PGBD5: variants seen among roughly 807,000 people sequenced by gnomAD.
PGBD5 encodes piggyBac transposable element derived 5.
A neutral mutation model predicts 47.9 loss-of-function variants in PGBD5; 14 were observed. That is an observed-to-expected ratio of 0.29 (90% CI 0.19 to 0.46). PGBD5 has a LOEUF of 0.46. Among genes scored for constraint, PGBD5 ranks in the 20% least tolerant of loss-of-function variants. PGBD5 has a pLI of 1.00. For missense variants in PGBD5, 635 were observed against 716.0 expected, an observed-to-expected ratio of 0.89 and a Z score of 1.29; for synonymous variants, 316 against 306.3, an observed-to-expected ratio of 1.03 and a Z score of -0.33.
intron 1 of PGBD5, among the ~76,000 whole-genome samples, chr1:230,383,367 A>ATT (rs113475166): frequency 6.7e-6 from 1 of 148,832 alleles, no homozygotes; most frequent in South Asian, 2.1e-4. Flanking sequence ...CATGCCCAGC[A>ATT]TTTTTTTTTT....
chr1:230,409,828 A>G (rs186771444), intron 1 of PGBD5, among the ~76,000 whole-genome samples: 1 of 152,206 alleles, frequency 6.6e-6, no homozygotes, highest in Non-Finnish European at 1.5e-5. Flanking sequence ...AAGAACTTCC[A>G]TATTATCAAG....
intron 1 of PGBD5, among the ~76,000 whole-genome samples, chr1:230,384,909 T>G (rs995280412): frequency 1.3e-5 from 2 of 152,246 alleles, no homozygotes; most frequent in Non-Finnish European, 2.9e-5. Context: ...ACTTCTTAGC[T>G]GCTGTGTTCA....
intron 2 of PGBD5, among the ~76,000 whole-genome samples, chr1:230,352,879 A>T (rs1387183023): frequency 1.3e-5 from 2 of 152,140 alleles, no homozygotes; most frequent in Non-Finnish European, 1.5e-5. Context: ...CTGCCCAATG[A>T]TCCTTGCCGA....
In PGBD5 at chr1:230,315,998, GTA is replaced by G. The variant is rs751700411; in HGVS notation, c.*7425_*7426del. 14 of 134,406 alleles carry G rather than the reference GTA, an allele frequency of 1.0e-4. 2 individuals are homozygous for G. Among genetic ancestry groups the G allele is most frequent in the African/African-American group, 3.5e-4 (12 of 34,266 alleles). The allele number at this position is 134,406 out of a possible 1,614,324, so 8.3% of individuals were successfully genotyped here. On this transcript the variant is annotated 3_prime_UTR_variant, in exon 7 of 7. Transcript: ENST00000391860. Reference sequence around the variant, plus strand: ...TATATGTATGTGTATACATACATAAGTATATGTGTACACATATATGTATGTGT... The same window carrying G: ...TATATGTATGTGTATACATACATAAGTATGTGTACACATATATGTATGTGT...
In PGBD5 at chr1:230,323,880, G is replaced by A. The variant is rs1667075330; in HGVS notation, c.1380-260C>T. On this transcript the variant is annotated intron_variant, in intron 6 of 6. Transcript: ENST00000391860. This position sits in a 1 kb window ranked among gnomAD's most constrained non-coding sequence, Gnocchi z 4.1. ...AGTAGACCCTGAAAGCCAGGTGCCA[G>A]GTGTGCTGGGGTGGCGCACAGCCCC... Among the ~76,000 whole-genome samples the A allele has an allele frequency of 6.6e-6, 1 of 152,248 alleles. No homozygotes were observed. Among genetic ancestry groups the A allele is most frequent in the Admixed American group, 6.5e-5 (1 of 15,292 alleles).
At chr1:230,422,825 C>A (rs115905183) in intron 1 of PGBD5, among the ~76,000 whole-genome samples, 2 of 152,052 alleles carry the variant, frequency 1.3e-5, no homozygotes, top group Non-Finnish European at 2.9e-5. Context: ...GCTTTTAGGG[C>A]TGGCACGGGA....
chr1:230,365,680 T>A (rs1341189713), intron 1 of PGBD5, among the ~76,000 whole-genome samples: 1 of 152,206 alleles, frequency 6.6e-6, no homozygotes, highest in Non-Finnish European at 1.5e-5. Context: ...AAATAAAGGC[T>A]GGCTGAGTCT....
At position 230,350,809 on chromosome 1, in the gene PGBD5, T is replaced by C. The variant is rs1017283623; in HGVS notation, c.894+149A>G. ...CGGTGAGGAGGGAGCAGCCCAGCCC[T>C]GGCCTCCGCAGGAGCATCTGGGTGG... On this transcript the variant is annotated intron_variant, in intron 3 of 6. Transcript: ENST00000391860. 7.7e-6 allele frequency: 9 copies of C among 1,171,088 alleles called. No individual in the cohort carries two copies. In the African/African-American group the frequency reaches 9.4e-5, roughly 12 times the overall value. 72.5% of individuals were successfully genotyped at this position (1,171,088 alleles called of 1,614,324 possible). A position where few individuals can be genotyped will look rare whatever the true frequency, so the allele number is the denominator to read the frequency against.
At chr1:230,335,094 C>T (rs1420266152) in intron 4 of PGBD5, among the ~76,000 whole-genome samples, 1 of 140,718 alleles carries the variant, frequency 7.1e-6, no homozygotes, top group Non-Finnish European at 1.6e-5. Context: ...CACAGGTACA[C>T]ACACAGACAC....
Position 230,319,707 on chromosome 1 carries a change from A to G in PGBD5, c.*3718T>C, listed in dbSNP as rs1667006619. ...AACTCAATTTTGGTGACCAAGCCTCATCTGATTTAGTCAGTACTGGATGTG... is the reference window on the plus strand; with the variant it reads ...AACTCAATTTTGGTGACCAAGCCTCGTCTGATTTAGTCAGTACTGGATGTG... On this transcript the variant is annotated 3_prime_UTR_variant, in exon 7 of 7. Transcript: ENST00000391860. The G allele has an allele frequency of 6.6e-6, 1 of 152,214 alleles. No individual in the cohort carries two copies. The highest frequency in any genetic ancestry group is 1.9e-4 in the East Asian group (1 of 5,188). The allele number at this position is 152,214 out of a possible 1,614,324, so 9.4% of individuals were successfully genotyped here.
intron 1 of PGBD5, among the ~76,000 whole-genome samples, chr1:230,359,922 G>A (rs190506257): frequency 2.9e-3 from 447 of 152,316 alleles, no homozygotes; most frequent in Non-Finnish European, 5.0e-3. Context: ...GGAGGAAGAG[G>A]CCCTGGCTGG....
chr1:230,384,701 T>C (rs1243888499), intron 1 of PGBD5, among the ~76,000 whole-genome samples: 1 of 152,234 alleles, frequency 6.6e-6, no homozygotes, highest in Non-Finnish European at 1.5e-5. Context: ...TGTGTTTGAC[T>C]CTCACGACAC....
chr1:230,316,214 A>G lies in PGBD5; in HGVS notation c.*7211T>C, dbSNP rs969625258. 2.6e-5 allele frequency: 4 copies of G among 151,432 alleles called. No homozygotes were observed. The highest frequency in any genetic ancestry group is 7.4e-5 in the African/African-American group (3 of 40,352). 9.4% of individuals were successfully genotyped at this position (151,432 alleles called of 1,614,324 possible). ...CATGTGTATACATACATATGTACAC[A>G]TGTGTATATGTGTATACGTACATAT... On this transcript the variant is annotated 3_prime_UTR_variant, in exon 7 of 7. Transcript: ENST00000391860.
At chr1:230,324,341 A>G (rs1481295789) in intron 6 of PGBD5, among the ~76,000 whole-genome samples, 1 of 152,248 alleles carries the variant, frequency 6.6e-6, no homozygotes, top group Non-Finnish European at 1.5e-5. Context: ...ACAACCTCAT[A>G]GAACACAGCA....
intron 1 of PGBD5, among the ~76,000 whole-genome samples, chr1:230,398,582 G>A (rs1035214550): frequency 6.6e-6 from 1 of 152,226 alleles, no homozygotes; most frequent in African/African-American, 2.4e-5. Flanking sequence ...GATGGGAGGT[G>A]CTGTTCAGCA....
intron 1 of PGBD5, among the ~76,000 whole-genome samples, chr1:230,415,231 C>T (rs986002355): frequency 1.1e-4 from 16 of 151,246 alleles, no homozygotes; most frequent in Non-Finnish European, 5.9e-5. Flanking sequence ...GCTGTGATCA[C>T]ACCAGTACAC....
intron 4 of PGBD5, among the ~76,000 whole-genome samples, chr1:230,334,724 A>T (rs2102816574): frequency 6.6e-6 from 1 of 152,364 alleles, no homozygotes; most frequent in East Asian, 1.9e-4. Context: ...CAGAGGAGGT[A>T]CATGATGACG....
At chr1:230,334,611 G>GA (rs1253126994) in intron 4 of PGBD5, among the ~76,000 whole-genome samples, 1 of 151,952 alleles carries the variant, frequency 6.6e-6, no homozygotes, top group Admixed American at 6.6e-5. Flanking sequence ...AGGGTGGGGG[G>GA]ACAGTGGCCC....
At chr1:230,336,588 CA>C (rs999002637) in intron 4 of PGBD5, among the ~76,000 whole-genome samples, 1 of 152,208 alleles carries the variant, frequency 6.6e-6, no homozygotes, top group Non-Finnish European at 1.5e-5. Context: ...CTATTTCTTC[CA>C]AAGCCATAGA....
Sources: gnomAD v4.1 joint callset for allele counts (sites outside exome capture counted in the v4.1 genomes callset) on GRCh38, gnomAD v4.1.1 for gene constraint, Gnocchi (gnomAD v3.1) non-coding constraint, MANE v1.5 for transcripts, NCBI Gene and HGNC (gene_info 2026-07-23, HGNC 2026-07-21) for gene names.